Variants in FILIP1L observed in about 807,000 individuals in gnomAD.
FILIP1L encodes the protein filamin A-interacting protein 1-like.
FILIP1L carries 55 observed loss-of-function variants against 96.6 expected under a neutral mutation model. That is an observed-to-expected ratio of 0.57 (90% CI 0.46 to 0.71). The LOEUF is 0.71. Ranked by LOEUF, FILIP1L falls within the 30% of genes least tolerant of loss-of-function variation. The probability of loss-of-function intolerance (pLI) is 0.00; values close to 1 mark genes in which losing one functional copy is unlikely to be tolerated. For synonymous variants in FILIP1L, 467 were observed against 473.9 expected, an observed-to-expected ratio of 0.99 and a Z score of 0.19; for missense variants, 1,304 against 1,321.2, an observed-to-expected ratio of 0.99 and a Z score of 0.20.
chr3:100,069,033 G>A (rs187447109), intron 1 of FILIP1L, among the ~76,000 whole-genome samples: 24 of 152,258 alleles, frequency 1.6e-4, no homozygotes, highest in Admixed American at 2.6e-4. Context: ...AAGTACCCAC[G>A]TGATTTGGGC....
At chr3:99,900,483 A>C (rs1213529247) in intron 4 of FILIP1L, among the ~76,000 whole-genome samples, 1 of 152,210 alleles carries the variant, frequency 6.6e-6, no homozygotes, top group Non-Finnish European at 1.5e-5. Context: ...TTCAGATGAG[A>C]TAGAGTGCGT....
chr3:99,930,904 G>A lies in FILIP1L; in HGVS notation c.117C>T (p.Asp39=). 6.2e-7 allele frequency: 1 copy of A among 1,613,594 alleles called. No individual in the cohort carries two copies. Among genetic ancestry groups the A allele is most frequent in the Non-Finnish European group, 8.5e-7 (1 of 1,179,914 alleles). The stretch of plus-strand genomic sequence containing the variant: ...GTATTACATCCGACTCACTGGGGGA[G>A]TCTTTGTCTTGCTGTCTATGCTTCA... The part of the protein sequence containing the change: ...KNMKHRQQDK[D]SPSESDVILP... Residue 39 remains aspartate (D), a synonymous_variant, in exon 2 of 6, where the codon GAC becomes GAT. Coordinates refer to ENST00000477258, the MANE Select transcript of FILIP1L (RefSeq NM_001387850.1).
At chr3:100,049,407 C>T (rs939118883) in intron 1 of FILIP1L, among the ~76,000 whole-genome samples, 1 of 152,146 alleles carries the variant, frequency 6.6e-6, no homozygotes, top group African/African-American at 2.4e-5. Context: ...AAAAATCACT[C>T]AGCATTATAA....
intron 1 of FILIP1L, among the ~76,000 whole-genome samples, chr3:100,038,957 G>A (rs538826291): frequency 2.2e-4 from 34 of 152,180 alleles, no homozygotes; most frequent in South Asian, 8.3e-4. Flanking sequence ...TGTATAAAAC[G>A]TCTTTGAAAA....
intron 1 of FILIP1L, among the ~76,000 whole-genome samples, chr3:99,936,180 A>AT (rs1328797183): frequency 2.0e-5 from 3 of 152,010 alleles, no homozygotes; most frequent in Non-Finnish European, 4.4e-5. Flanking sequence ...AAAAGAAATC[A>AT]TTTTTGGTCT....
chr3:100,006,437 A>T (rs562865809), intron 1 of FILIP1L, among the ~76,000 whole-genome samples: 1 of 152,184 alleles, frequency 6.6e-6, no homozygotes, highest in African/African-American at 2.4e-5. Context: ...CCACAAATGG[A>T]TAAATTTGGT....
chr3:99,949,531 G>A (rs1228637077), intron 1 of FILIP1L, among the ~76,000 whole-genome samples: 1 of 152,128 alleles, frequency 6.6e-6, no homozygotes, highest in East Asian at 1.9e-4. Context: ...CGTTTTATCA[G>A]TTGAAAGAAG....
At chr3:100,069,472 C>G (rs1411603950) in intron 1 of FILIP1L, among the ~76,000 whole-genome samples, 1 of 152,064 alleles carries the variant, frequency 6.6e-6, no homozygotes. Flanking sequence ...TGTTCCAGAC[C>G]TTTCTTTTTG....
chr3:100,060,778 C>G (rs368766401), intron 1 of FILIP1L, among the ~76,000 whole-genome samples: 2 of 152,170 alleles, frequency 1.3e-5, no homozygotes, highest in African/African-American at 4.8e-5. Flanking sequence ...GGGAGGATAA[C>G]GAGCGTGGGA....
chr3:99,893,446 T>G (rs551908676), intron 4 of FILIP1L, among the ~76,000 whole-genome samples: 1 of 152,298 alleles, frequency 6.6e-6, no homozygotes, highest in Non-Finnish European at 1.5e-5. Context: ...ATTACAGGCT[T>G]GAGCCACCTC....
chr3:99,907,719 A>G (rs1329513142), intron 4 of FILIP1L, among the ~76,000 whole-genome samples: 2 of 152,142 alleles, frequency 1.3e-5, no homozygotes, highest in East Asian at 1.9e-4. Flanking sequence ...AAGTCCACCT[A>G]TAATGATTTT....
At chr3:99,870,608 A>G (rs978890913) in intron 4 of FILIP1L, among the ~76,000 whole-genome samples, 4 of 152,160 alleles carry the variant, frequency 2.6e-5, no homozygotes, top group Admixed American at 2.6e-4. Flanking sequence ...TGGTGAACTT[A>G]GTTGCTGGGC....
At chr3:99,941,778 T>G (rs887095481) in intron 1 of FILIP1L, among the ~76,000 whole-genome samples, 3 of 152,142 alleles carry the variant, frequency 2.0e-5, no homozygotes, top group African/African-American at 7.2e-5. Context: ...AGTTAAAAAA[T>G]TTGGAAAAAA....
intron 1 of FILIP1L, among the ~76,000 whole-genome samples, chr3:99,953,370 T>G (rs1708233110): frequency 6.6e-6 from 1 of 152,092 alleles, no homozygotes; most frequent in South Asian, 2.1e-4. Flanking sequence ...GACTGAGAAA[T>G]CAGATAACCA....
intron 4 of FILIP1L, among the ~76,000 whole-genome samples, chr3:99,867,227 C>A (rs145245589): frequency 6.6e-6 from 1 of 152,280 alleles, no homozygotes; most frequent in East Asian, 1.9e-4. Context: ...CTTATACTGT[C>A]CCTGAGCAGG....
At chr3:99,885,697 C>T (rs1426717024) in intron 4 of FILIP1L, among the ~76,000 whole-genome samples, 1 of 152,186 alleles carries the variant, frequency 6.6e-6, no homozygotes, top group Non-Finnish European at 1.5e-5. Flanking sequence ...TTTGTGGCTA[C>T]TATGTGTTGA....
chr3:100,099,592 G>A (rs1479139639), intron 1 of FILIP1L, among the ~76,000 whole-genome samples: 4 of 152,022 alleles, frequency 2.6e-5, no homozygotes, highest in African/African-American at 4.8e-5. Flanking sequence ...GTTTACACAG[G>A]GGAATTACAA....
At position 99,849,845 on chromosome 3, in the gene FILIP1L, A is replaced by C. The variant is rs553705584; in HGVS notation, c.1831T>G (p.Ser611Ala). The change falls in exon 5 of 6, where the codon TCT (serine) becomes GCT (alanine). Residue 611 changes from serine (S) to alanine (A), a missense_variant. By Grantham distance (99) the Ser-to-Ala change is moderately conservative. Transcript: ENST00000477258. ...DFLKNKLNQD[S>A]GKSTTALHQE... ...TGTAATGCTGTTGTGGATTTCCCAGAGTCTTGATTTAATTTGTTTTTTAGG... is the reference window on the plus strand; with the variant it reads ...TGTAATGCTGTTGTGGATTTCCCAGCGTCTTGATTTAATTTGTTTTTTAGG... 2 of 1,610,402 alleles carry C rather than the reference A, an allele frequency of 1.2e-6. No homozygotes were observed. Among genetic ancestry groups the C allele is most frequent in the South Asian group, 2.2e-5 (2 of 90,102 alleles).
intron 4 of FILIP1L, among the ~76,000 whole-genome samples, chr3:99,880,889 T>C (rs1158295215): frequency 6.6e-6 from 1 of 152,176 alleles, no homozygotes; most frequent in African/African-American, 2.4e-5. Flanking sequence ...TGTATGTATA[T>C]GTGTATGTAT....
Sources: gnomAD v4.1 joint callset for allele counts (sites outside exome capture counted in the v4.1 genomes callset) on GRCh38, gnomAD v4.1.1 for gene constraint, MANE v1.5 for transcripts, NCBI Gene and HGNC (gene_info 2026-07-23, HGNC 2026-07-21) for gene names.